LIG1: variants seen among roughly 807,000 people sequenced by gnomAD.
The protein encoded by LIG1 is ligase I, DNA, ATP-dependent.
LIG1 carries 70 observed loss-of-function variants against 115.7 expected under a neutral mutation model. That is an observed-to-expected ratio of 0.60 (90% confidence interval 0.50 to 0.74). The LOEUF is 0.74. Among genes scored for constraint, LIG1 ranks in the 30% least tolerant of loss-of-function variants. LIG1 has a pLI of 0.00. For synonymous variants in LIG1, 487 were observed against 495.3 expected (o/e 0.98, Z 0.22); for missense variants, 1,115 against 1,225.6 (o/e 0.91, Z 1.35).
intron 1 of LIG1, chr19:48,169,918 C>T (rs1599909709): frequency 6.6e-6 from 1 of 151,814 alleles, no homozygotes; most frequent in Admixed American, 6.9e-5. Context: ...TTTTCCCCCC[C>T]CCGGCCCCGC....
At chr19:48,162,433 C>CTTTT (rs781263098) in intron 2 of LIG1, 82 bp from the exon 3 acceptor site, 62 of 632,034 alleles carry the variant, frequency 9.8e-5, no homozygotes, top group Non-Finnish European at 1.2e-4. Context: ...CTATAACTTC[C>CTTTT]TTTTTTTTTT....
chr19:48,152,999 C>T (rs889395922), intron 6 of LIG1, among the ~76,000 whole-genome samples: 12 of 151,974 alleles, frequency 7.9e-5, no homozygotes, highest in Non-Finnish European at 1.6e-4. Flanking sequence ...GAGTTCGAGA[C>T]CAGCTTGGTC....
At position 48,123,330 on chromosome 19, in the gene LIG1, G is replaced by A. The variant is rs555962151; in HGVS notation, c.2005-12C>T. On this transcript the variant is annotated splice_polypyrimidine_tract_variant and intron_variant, in intron 21 of 27. Coordinates refer to ENST00000263274, the MANE Select transcript of LIG1 (RefSeq NM_000234.3). ...TCACGTACCAGGGACTGCAGGGCCG[G>A]CAGGGAGAAGAGAGATGAGACATCT... The A allele has an allele frequency of 1.9e-5, 30 of 1,612,024 alleles. No individual in the cohort carries two copies. In the South Asian group the frequency reaches 2.2e-4, roughly 12 times the overall value.
chr19:48,153,681 CACACACACA>C (rs2035621145), intron 6 of LIG1, among the ~76,000 whole-genome samples, 182 bp downstream of exon 6: 4 of 145,130 alleles, frequency 2.8e-5, no homozygotes, highest in African/African-American at 7.8e-5. Flanking sequence ...CACACACACA[CACACACACA>C]CCTCTCCTTC....
chr19:48,154,151 A>G, intron 5 of LIG1, 184 bp from the exon 6 acceptor site: 1 of 646,154 alleles, frequency 1.5e-6, no homozygotes, highest in Non-Finnish European at 2.8e-6. Flanking sequence ...TGGCTGTGTG[A>G]CCTTGGGCAG....
intron 4 of LIG1, among the ~76,000 whole-genome samples, chr19:48,159,317 G>A (rs2036038359): frequency 6.6e-6 from 1 of 152,088 alleles, no homozygotes; most frequent in Non-Finnish European, 1.5e-5. Flanking sequence ...TGATCCACCC[G>A]CCTTGGCCTC....
rs557322573 is a variant in LIG1, at chr19:48,148,647, G to A, written c.776+1116C>T. Among the ~76,000 whole-genome samples the A allele has an allele frequency of 1.4e-4, 22 of 152,146 alleles. No individual in the cohort carries two copies. In the South Asian group the frequency reaches 4.6e-3, roughly 32 times the overall value. ...TCTATGCTGGGGAGAATCGCAGATG[G>A]GTTTTGAGCATGGCAGAGATGGGGG... On this transcript the variant is annotated intron_variant, in intron 9 of 27. Transcript: ENST00000263274.
At chr19:48,126,783 T>C (rs116195235) in intron 21 of LIG1, among the ~76,000 whole-genome samples, 4,199 of 151,678 alleles carry the variant, frequency 0.028, 187 homozygotes, top group African/African-American at 0.096. Flanking sequence ...AGGTCTTTTC[T>C]ATATTGCCCA....
rs2033768677 is a variant in LIG1 at position 48,127,812 on chromosome 19, C to T, written c.1932+98G>A. On this transcript the variant is annotated intron_variant, in intron 20 of 27. Coordinates refer to ENST00000263274, the MANE Select transcript of LIG1 (RefSeq NM_000234.3). ...TGAGAGAAGTGCATCCAGACTGACA[C>T]TCTGCCCTTCTGGGCACTGGGCAGG... 6.1e-6 allele frequency: 6 copies of T among 986,876 alleles called. No homozygotes were observed. The South Asian group carries it at 6.4e-5, about 10-fold the overall frequency. The allele number at this position is 986,876 out of a possible 1,614,324, so 61.1% of individuals were successfully genotyped here.
intron 6 of LIG1, among the ~76,000 whole-genome samples, chr19:48,153,582 A>G (rs1198248298): frequency 1.3e-5 from 2 of 151,412 alleles, no homozygotes; most frequent in Non-Finnish European, 2.9e-5. Context: ...ACAGGCATCA[A>G]ATCGGCAGGG....
intron 1 of LIG1, among the ~76,000 whole-genome samples, chr19:48,169,294 C>T (rs2036641670): frequency 6.6e-6 from 1 of 152,080 alleles, no homozygotes. Flanking sequence ...TGCACGGGCA[C>T]ACAGATGCAC....
chr19:48,150,940 G>A (rs1462825269), intron 7 of LIG1, among the ~76,000 whole-genome samples: 4 of 151,466 alleles, frequency 2.6e-5, no homozygotes, highest in Admixed American at 2.6e-4. Context: ...GGCTCAAGTA[G>A]TCCACCCACC....
chr19:48,132,411 C>A (rs948744908), intron 18 of LIG1, among the ~76,000 whole-genome samples: 1 of 152,090 alleles, frequency 6.6e-6, no homozygotes, highest in Non-Finnish European at 1.5e-5. Context: ...GCAGCATCAG[C>A]GGAGCCCACG....
At chr19:48,115,806 C>T (rs2032760837) in intron 27 of LIG1, 67 bp downstream of exon 27, 1 of 1,579,128 alleles carries the variant, frequency 6.3e-7, no homozygotes, top group Non-Finnish European at 8.7e-7. Context: ...TCCAGAGAGG[C>T]CACCACGCTA....
intron 4 of LIG1, among the ~76,000 whole-genome samples, chr19:48,158,577 G>C (rs574601548): frequency 9.2e-4 from 140 of 152,348 alleles, no homozygotes; most frequent in African/African-American, 3.1e-3. Flanking sequence ...ATGCTGCCAG[G>C]ACCGGGACTC....
intron 4 of LIG1, among the ~76,000 whole-genome samples, chr19:48,158,922 C>A (rs766853745): frequency 2.0e-5 from 3 of 152,182 alleles, no homozygotes; most frequent in African/African-American, 7.2e-5. Context: ...ACAGTTGCTA[C>A]CTCCATGATG....
intron 19 of LIG1, among the ~76,000 whole-genome samples, chr19:48,129,412 A>G (rs1259748117): frequency 6.6e-6 from 1 of 152,186 alleles, no homozygotes; most frequent in Non-Finnish European, 1.5e-5. Context: ...ATCTCCACAT[A>G]TAATTTACAG....
At chr19:48,132,721 G>A (rs1200072758) in intron 18 of LIG1, among the ~76,000 whole-genome samples, 2 of 147,322 alleles carry the variant, frequency 1.4e-5, no homozygotes, top group Non-Finnish European at 3.0e-5. Context: ...AAGCCAGGAG[G>A]TGGAGGTTAC....
rs761863421 is a variant in LIG1 at position 48,151,198 on chromosome 19, T to C, written c.574+34A>G. On this transcript the variant is annotated intron_variant, in intron 7 of 27. Coordinates refer to ENST00000263274, the MANE Select transcript of LIG1 (RefSeq NM_000234.3). ...GACTTCTGACCCCAAAATCAGGAGG[T>C]GGGGCAGGGCGGAGGAGAGGACCAG... is the stretch of plus-strand genomic sequence containing the variant. 24 of 1,343,432 alleles carry C rather than the reference T, an allele frequency of 1.8e-5. No individual in the cohort carries two copies. The East Asian group carries it at 4.6e-4, about 26-fold the overall frequency. The allele number at this position is 1,343,432 out of a possible 1,614,324, so 83.2% of individuals were successfully genotyped here. A position where few individuals can be genotyped will look rare whatever the true frequency, so the allele number is the denominator to read the frequency against.
Sources: allele counts gnomAD v4.1 joint callset (sites outside exome capture counted in the v4.1 genomes callset), GRCh38; gene constraint gnomAD v4.1.1; transcripts MANE v1.5; gene names NCBI Gene and HGNC (gene_info 2026-07-23, HGNC 2026-07-21).